The following TRIO variants were observed in gnomAD, a reference collection of about 807,000 sequenced individuals.
TRIO encodes the protein triple functional domain protein.
TRIO carries 58 observed loss-of-function variants against 351.9 expected under a neutral mutation model. The ratio of observed to expected loss-of-function variants is 0.16; its 90% confidence interval spans 0.13 to 0.21. TRIO has a LOEUF of 0.21. Among genes scored for constraint, TRIO ranks in the 10% least tolerant of loss-of-function variants. TRIO has a pLI of 1.00. For missense variants in TRIO, 3,201 were observed against 4,027.8 expected (o/e 0.79, Z 5.56); for synonymous variants, 1,758 against 1,595.7 (o/e 1.10, Z -2.42).
intron 33 of TRIO, among the ~76,000 whole-genome samples, chr5:14,407,780 T>G (rs572027780): frequency 6.6e-6 from 1 of 152,358 alleles, no homozygotes; most frequent in East Asian, 1.9e-4. Flanking sequence ...TAGTAGAATT[T>G]GGAATCCTGG....
At chr5:14,187,496 CTCAG>C (rs1323935365) in intron 1 of TRIO, among the ~76,000 whole-genome samples, 1 of 152,146 alleles carries the variant, frequency 6.6e-6, no homozygotes, top group Non-Finnish European at 1.5e-5. Context: ...ATAATTGACT[CTCAG>C]TCAGTACCTT....
chr5:14,328,847 A>T (rs1340945129), intron 9 of TRIO, among the ~76,000 whole-genome samples: 1 of 152,164 alleles, frequency 6.6e-6, no homozygotes, highest in Non-Finnish European at 1.5e-5. Flanking sequence ...TGGAAATGAG[A>T]CCAGGCTCGG....
At chr5:14,237,928 T>G (rs186799033) in intron 1 of TRIO, among the ~76,000 whole-genome samples, 1 of 152,332 alleles carries the variant, frequency 6.6e-6, no homozygotes, top group East Asian at 1.9e-4. Context: ...CCTCTAACAT[T>G]TAGCATTATT....
intron 1 of TRIO, among the ~76,000 whole-genome samples, chr5:14,163,976 G>T (rs1415972998): frequency 1.3e-5 from 2 of 152,186 alleles, no homozygotes; most frequent in African/African-American, 4.8e-5. Flanking sequence ...TTGTGTGAAT[G>T]TGTGTTTTAA....
chr5:14,460,490 T>TTTTACAC (rs1753697497), intron 34 of TRIO, among the ~76,000 whole-genome samples: 3 of 152,198 alleles, frequency 2.0e-5, no homozygotes, highest in African/African-American at 7.2e-5. Flanking sequence ...TTATCCGTAA[T>TTTTACAC]AATTACACAA....
At chr5:14,439,728 A>G (rs1322498099) in intron 34 of TRIO, among the ~76,000 whole-genome samples, 1 of 152,224 alleles carries the variant, frequency 6.6e-6, no homozygotes, top group African/African-American at 2.4e-5. Flanking sequence ...ATCTGGATCT[A>G]TCACGGGACC....
rs1364045330 is a variant in TRIO at position 14,286,845 on chromosome 5, T to G, written c.348-26T>G. On this transcript the variant is annotated intron_variant, in intron 3 of 56. Coordinates refer to ENST00000344204, the MANE Select transcript of TRIO (RefSeq NM_007118.4). The surrounding 1 kb of genome is among the most constrained non-coding windows in gnomAD (Gnocchi z 4.4). ...AGAGTGGCAAGAGATGTAACCCGTC[T>G]TCAGCCATGTTTTCTTTCTCTGCAG... The G allele has an allele frequency of 6.2e-7, 1 of 1,603,800 alleles. No homozygotes were observed. Among genetic ancestry groups the G allele is most frequent in the South Asian group, 1.1e-5 (1 of 89,602 alleles).
chr5:14,151,368 T>C lies in TRIO; in HGVS notation c.157+7486T>C, dbSNP rs142652729. Among the ~76,000 whole-genome samples the C allele has an allele frequency of 2.1e-3, 258 of 123,526 alleles. 1 individual carries two copies. Among genetic ancestry groups the C allele is most frequent in the African/African-American group, 8.7e-3 (250 of 28,798 alleles). 81.0% of individuals were successfully genotyped at this position (123,526 alleles called of 152,430 possible). ...GGGTTTGTTGGTGCCTGTTTTTTCA[T>C]TGTGTGTGTGTGTGTGTTTGTGTGT... On this transcript the variant is annotated intron_variant, in intron 1 of 56. Transcript: ENST00000344204.
intron 1 of TRIO, among the ~76,000 whole-genome samples, chr5:14,259,916 C>G (rs113019087): frequency 6.6e-6 from 1 of 152,012 alleles, no homozygotes; most frequent in African/African-American, 2.4e-5. Flanking sequence ...GGCCTCTGAT[C>G]GGATGAATCC....
At chr5:14,261,578 A>C (rs986227913) in intron 1 of TRIO, among the ~76,000 whole-genome samples, 3 of 152,186 alleles carry the variant, frequency 2.0e-5, no homozygotes, top group African/African-American at 7.2e-5. Context: ...TCATAATGAA[A>C]ACATTTCAGT....
At position 14,374,225 on chromosome 5, in the gene TRIO, T is replaced by A. The variant is rs1342106675; in HGVS notation, c.3217-4T>A. Reference sequence around the variant, plus strand: ...GCAACACATTGCTCTCCATTGTTTTTTAGGCTTGCACCCTTGCTCGGAGGA... The same window carrying A: ...GCAACACATTGCTCTCCATTGTTTTATAGGCTTGCACCCTTGCTCGGAGGA... On this transcript the variant is annotated splice_region_variant and splice_polypyrimidine_tract_variant and intron_variant, in intron 18 of 56. Coordinates refer to ENST00000344204, the MANE Select transcript of TRIO (RefSeq NM_007118.4). The A allele has an allele frequency of 1.9e-6, 3 of 1,612,506 alleles. No individual in the cohort carries two copies. In the Admixed American group the frequency reaches 5.0e-5, roughly 27 times the overall value.
At chr5:14,279,592 T>C (rs956996659) in intron 2 of TRIO, among the ~76,000 whole-genome samples, 3 of 152,230 alleles carry the variant, frequency 2.0e-5, no homozygotes, top group Non-Finnish European at 4.4e-5. Flanking sequence ...CATAAGCGTT[T>C]AGTGATACCA....
chr5:14,200,648 C>A (rs1207066024), intron 1 of TRIO, among the ~76,000 whole-genome samples: 1 of 152,160 alleles, frequency 6.6e-6, no homozygotes, highest in Non-Finnish European at 1.5e-5. Context: ...AAGGACCTAA[C>A]AACTGTAGAG....
intron 6 of TRIO, among the ~76,000 whole-genome samples, chr5:14,295,193 G>T (rs1737244074): frequency 6.6e-6 from 1 of 152,124 alleles, no homozygotes; most frequent in African/African-American, 2.4e-5. Flanking sequence ...GACAAAATAA[G>T]GATACTAAAT....
chr5:14,498,750 C>T (rs1757074723), intron 53 of TRIO, 110 bp downstream of exon 53: 1 of 1,499,988 alleles, frequency 6.7e-7, no homozygotes. Context: ...AAAGATAGAA[C>T]AATAAGTCAT....
rs1747283020 is a variant in TRIO, at chr5:14,393,396, T to C, written c.4219-642T>C. Among the ~76,000 whole-genome samples, 3 of 152,288 alleles carry C rather than the reference T, an allele frequency of 2.0e-5. No homozygotes were observed. In the South Asian group the frequency reaches 6.2e-4, roughly 32 times the overall value. On this transcript the variant is annotated intron_variant, in intron 27 of 56. Transcript: ENST00000344204. ...ATCCCAGAACTTAAAAAGAAACCCT[T>C]ATGCCCTAAAACATGTCTTCAAGAA...
intron 1 of TRIO, among the ~76,000 whole-genome samples, chr5:14,257,123 T>C (rs1007490221): frequency 6.6e-6 from 1 of 152,212 alleles, no homozygotes; most frequent in African/African-American, 2.4e-5. Context: ...AAGCCGAAGA[T>C]GGGAGGAGAA....
intron 11 of TRIO, among the ~76,000 whole-genome samples, chr5:14,345,387 T>C (rs919609319): frequency 2.6e-5 from 4 of 152,206 alleles, no homozygotes; most frequent in East Asian, 1.9e-4. Flanking sequence ...CTTCAGATTT[T>C]ATAGTTTCTT....
intron 6 of TRIO, among the ~76,000 whole-genome samples, chr5:14,294,138 A>T (rs1418721668): frequency 6.6e-6 from 1 of 152,180 alleles, no homozygotes; most frequent in Non-Finnish European, 1.5e-5. Context: ...GTGAGTTATG[A>T]TCACGCCACT....
Sources: allele counts gnomAD v4.1 joint callset (sites outside exome capture counted in the v4.1 genomes callset), GRCh38; gene constraint gnomAD v4.1.1; non-coding constraint Gnocchi (gnomAD v3.1); transcripts MANE v1.5; gene names NCBI Gene and HGNC (gene_info 2026-07-23, HGNC 2026-07-21).